Variants in VIPR1 observed in about 807,000 individuals in gnomAD.
The protein encoded by VIPR1 is vasoactive intestinal peptide receptor 1.
A neutral mutation model predicts 58.8 loss-of-function variants in VIPR1; 59 were observed. The ratio of observed to expected loss-of-function variants is 1.00; its 90% CI spans 0.81 to 1.25. VIPR1 has a LOEUF of 1.25. VIPR1 is among the 50% of genes most tolerant of loss of function. VIPR1 has a pLI of 0.00. For missense variants in VIPR1, 626 were observed against 602.7 expected (o/e 1.04, Z -0.40); for synonymous variants, 251 against 242.1 (o/e 1.04, Z -0.34).
Position 42,530,862 on chromosome 3 carries a change from G to A in VIPR1, c.720G>A (p.Leu240=), listed in dbSNP as rs1364327369. 2 of 1,613,982 alleles carry A rather than the reference G, an allele frequency of 1.2e-6. No homozygotes were observed. The highest frequency in any genetic ancestry group is 1.7e-6 in the Non-Finnish European group (2 of 1,179,992). ...GGCTGCTGGTGGAGGGCCTCTACCT[G>A]TACACCCTGCTTGCCGTCTCCTTCT... is the stretch of plus-strand genomic sequence containing the variant. ...FFWLLVEGLY[L]YTLLAVSFFS... is the part of the protein sequence containing the mutation. The change falls in exon 7 of 13, where the codon CTG becomes CTA. Residue 240 remains leucine, a synonymous_variant. Transcript: ENST00000325123.
intron 3 of VIPR1, among the ~76,000 whole-genome samples, chr3:42,525,648 G>C (rs1288259847): frequency 6.6e-6 from 1 of 152,196 alleles, no homozygotes; most frequent in Admixed American, 6.5e-5. Context: ...CATAACAAAA[G>C]GGCTGAGCCC....
At chr3:42,530,446 G>T (rs1044380339) in intron 6 of VIPR1, 2 of 256,534 alleles carry the variant, frequency 7.8e-6, no homozygotes, top group Non-Finnish European at 1.5e-5. Flanking sequence ...AGTTGATAGT[G>T]AATGTCTAGT....
At chr3:42,524,676 G>A (rs914391175) in intron 3 of VIPR1, among the ~76,000 whole-genome samples, 3 of 152,120 alleles carry the variant, frequency 2.0e-5, no homozygotes, top group Non-Finnish European at 2.9e-5. Flanking sequence ...AAACACACGT[G>A]CCCAGTGACA....
chr3:42,526,439 T>C (rs1029723406), intron 4 of VIPR1, among the ~76,000 whole-genome samples: 1 of 151,952 alleles, frequency 6.6e-6, no homozygotes, highest in African/African-American at 2.4e-5. Flanking sequence ...GACAGATATC[T>C]TCCCCGGAGC....
chr3:42,497,151 C>G (rs1251098714), intron 1 of VIPR1, among the ~76,000 whole-genome samples: 1 of 152,136 alleles, frequency 6.6e-6, no homozygotes, highest in South Asian at 2.1e-4. Flanking sequence ...TTTGAGATCC[C>G]CTGTGGAGTT....
In VIPR1 at chr3:42,531,538, T is replaced by G; in HGVS notation, c.851+7T>G. ...TCCATTTTGAGGATTATGGGTGAGC[T>G]GCTGCCCCACACACTCCCCCGGCCG... On this transcript the variant is annotated splice_region_variant and intron_variant, in intron 8 of 12. Coordinates refer to ENST00000325123, the MANE Select transcript of VIPR1 (RefSeq NM_004624.4). 5 of 1,594,542 alleles carry G rather than the reference T, an allele frequency of 3.1e-6. No individual in the cohort carries two copies. Among genetic ancestry groups the G allele is most frequent in the African/African-American group, 1.3e-5 (1 of 74,724 alleles).
At chr3:42,518,934 C>T (rs556215979) in intron 2 of VIPR1, among the ~76,000 whole-genome samples, 7 of 152,184 alleles carry the variant, frequency 4.6e-5, no homozygotes, top group Admixed American at 1.3e-4. Flanking sequence ...AGTGAGGCCC[C>T]CCTATTGCTG....
At chr3:42,535,648 G>A (rs1701803298) in intron 12 of VIPR1, among the ~76,000 whole-genome samples, 1 of 152,174 alleles carries the variant, frequency 6.6e-6, no homozygotes, top group Non-Finnish European at 1.5e-5. Context: ...ACCCCAGGGG[G>A]ATTCCTGTGC....
intron 2 of VIPR1, among the ~76,000 whole-genome samples, chr3:42,518,604 C>A (rs193143161): frequency 6.6e-6 from 1 of 152,032 alleles, no homozygotes; most frequent in Non-Finnish European, 1.5e-5. Flanking sequence ...CCGGGCGTGG[C>A]GGCATGGGCC....
intron 2 of VIPR1, 119 bp from the exon 3 acceptor site, chr3:42,519,104 C>G (rs1416347112): frequency 1.3e-6 from 1 of 767,650 alleles, no homozygotes; most frequent in Non-Finnish European, 1.9e-6. Context: ...AGACTGGAGG[C>G]TCCTTGAGGT....
chr3:42,502,861 G>C, intron 1 of VIPR1, 48 bp downstream of exon 1: 1 of 1,222,112 alleles, frequency 8.2e-7, no homozygotes, highest in East Asian at 3.2e-5. Context: ...TGGGGGTTGC[G>C]GAGGGCGGGG....
chr3:42,528,087 C>T lies in VIPR1; in HGVS notation c.600C>T (p.Phe200=), dbSNP rs749206604. 1.2e-5 allele frequency: 20 copies of T among 1,614,058 alleles called. No homozygotes were observed. The highest frequency in any genetic ancestry group is 3.3e-4 in the Middle Eastern group (2 of 6,048). ...TCTTCATCAAAGACTTGGCCCTCTT[C>T]GACAGCGGGGAGTCGGACCAGTGCT... ...AAVFIKDLAL[F]DSGESDQCSE... The change falls in exon 6 of 13, where the codon TTC becomes TTT. Residue 200 remains phenylalanine (F), a synonymous_variant. Coordinates refer to ENST00000325123, the MANE Select transcript of VIPR1 (RefSeq NM_004624.4).
chr3:42,536,833 A>G lies in VIPR1; in HGVS notation c.*552A>G, dbSNP rs1051034664. 4.6e-5 allele frequency: 7 copies of G among 152,298 alleles called. No homozygotes were observed. Among genetic ancestry groups the G allele is most frequent in the African/African-American group, 1.4e-4 (6 of 41,454 alleles). 9.4% of individuals were successfully genotyped at this position (152,298 alleles called of 1,614,324 possible). A position where few individuals can be genotyped will look rare whatever the true frequency, so the allele number is the denominator to read the frequency against. ...CCCTATTCTCTCTTTACGCTTAGTT[A>G]TCAGCTTTTTAAAGTGGGTTATTCT... On this transcript the variant is annotated 3_prime_UTR_variant, in exon 13 of 13. Coordinates refer to ENST00000325123, the MANE Select transcript of VIPR1 (RefSeq NM_004624.4).
Position 42,528,122 on chromosome 3 carries a change from C to A in VIPR1, c.635C>A (p.Ser212Ter). 6.2e-7 allele frequency: 1 copy of A among 1,613,068 alleles called. No homozygotes were observed. The highest frequency in any genetic ancestry group is 8.5e-7 in the Non-Finnish European group (1 of 1,179,682). The change falls in exon 6 of 13, where the codon TCG (serine) becomes TAG (stop). Residue 212 changes from serine (S) to a stop codon, truncating the protein, a stop_gained and splice_region_variant. Transcript: ENST00000325123. LOFTEE classifies it high-confidence loss of function. ...SGESDQCSEGSVGCKAAMVFF... is the reference protein window; with the variant it reads ...SGESDQCSEG ...GAGTCGGACCAGTGCTCCGAGGGCT[C>A]GGTGAGGATCCTGGCCCTGGCCCAC...
chr3:42,511,350 C>T lies in VIPR1; in HGVS notation c.79-2399C>T, dbSNP rs561441437. ...TTCTTAATCACTTAATCCAAAGTCCCAGGAGTGAGCCTCCTGGCTCTGAGT... is the reference window on the plus strand; with the variant it reads ...TTCTTAATCACTTAATCCAAAGTCCTAGGAGTGAGCCTCCTGGCTCTGAGT... On this transcript the variant is annotated intron_variant, in intron 1 of 12. Transcript: ENST00000325123. Among the ~76,000 whole-genome samples, 4 of 152,308 alleles carry T rather than the reference C, an allele frequency of 2.6e-5. No individual in the cohort carries two copies. In the South Asian group the frequency reaches 8.3e-4, roughly 32 times the overall value.
intron 3 of VIPR1, among the ~76,000 whole-genome samples, chr3:42,519,951 T>C (rs1249871614): frequency 2.6e-5 from 4 of 152,174 alleles, no homozygotes; most frequent in South Asian, 2.1e-4. Flanking sequence ...AGCATTCTCA[T>C]TGGAGAGACA....
Position 42,536,312 on chromosome 3 carries a change from C to T in VIPR1, c.*31C>T, listed in dbSNP as rs1292504563. ...AGGATCCCAGGGGCCCAAGGCGGCC[C>T]CTCCCGCCCCTTCCCACTCACCCCG... On this transcript the variant is annotated 3_prime_UTR_variant, in exon 13 of 13. Coordinates refer to ENST00000325123, the MANE Select transcript of VIPR1 (RefSeq NM_004624.4). 2.7e-6 allele frequency: 4 copies of T among 1,482,854 alleles called. No individual in the cohort carries two copies. Among genetic ancestry groups the T allele is most frequent in the Non-Finnish European group, 8.9e-7 (1 of 1,120,558 alleles). 91.9% of individuals were successfully genotyped at this position (1,482,854 alleles called of 1,614,324 possible).
At position 42,531,792 on chromosome 3, in the gene VIPR1, G is replaced by C; in HGVS notation, c.852-11G>C. On this transcript the variant is annotated splice_polypyrimidine_tract_variant and intron_variant, in intron 8 of 12. Transcript: ENST00000325123. ...GACAATCCCTCTCATTCCTCCCCAC[G>C]GTCTGCTCAGGTGCTGGGACACCAT... is the stretch of plus-strand genomic sequence containing the variant. 6.2e-7 allele frequency: 1 copy of C among 1,614,010 alleles called. No individual in the cohort carries two copies. The highest frequency in any genetic ancestry group is 1.3e-5 in the African/African-American group (1 of 74,980).
Position 42,523,604 on chromosome 3 carries a change from T to TACACACACACAC in VIPR1, c.293-2258_293-2247dup, listed in dbSNP as rs60726747. ...ATGTTTACCCTAACACCTCCGCCAC[T>TACACACACACAC]ACACACACACACACACACACACACA... On this transcript the variant is annotated intron_variant, in intron 3 of 12. Transcript: ENST00000325123. Among the ~76,000 whole-genome samples the TACACACACACAC allele has an allele frequency of 5.3e-3, 685 of 129,900 alleles. 2 individuals are homozygous for TACACACACACAC. The highest frequency in any genetic ancestry group is 0.018 in the African/African-American group (636 of 35,854). The allele number at this position is 129,900 out of a possible 152,430, so 85.2% of individuals were successfully genotyped here.
Sources: allele counts gnomAD v4.1 joint callset (sites outside exome capture counted in the v4.1 genomes callset), GRCh38; gene constraint gnomAD v4.1.1; transcripts MANE v1.5; gene names NCBI Gene and HGNC (gene_info 2026-07-23, HGNC 2026-07-21).